TMEM178B: variants seen among roughly 807,000 people sequenced by gnomAD.
TMEM178B encodes the protein transmembrane protein 178B.
A neutral mutation model predicts 31.0 loss-of-function variants in TMEM178B; 5 were observed. That is an observed-to-expected ratio of 0.16 (90% CI 0.08 to 0.34). The LOEUF (loss-of-function observed/expected upper bound fraction) is 0.34. TMEM178B is among the 10% of genes least tolerant of loss of function. The probability of loss-of-function intolerance (pLI) is 1.00; values close to 1 mark genes in which losing one functional copy is unlikely to be tolerated. For synonymous variants in TMEM178B, 164 were observed against 164.0 expected, an observed-to-expected ratio of 1.00 and a Z score of 0.00; for missense variants, 275 against 400.3, an observed-to-expected ratio of 0.69 and a Z score of 2.67.
At chr7:141,313,527 C>T (rs931738502) in intron 2 of TMEM178B, among the ~76,000 whole-genome samples, 1 of 152,206 alleles carries the variant, frequency 6.6e-6, no homozygotes, top group African/African-American at 2.4e-5. Flanking sequence ...CAGACATTTT[C>T]TTTTGAGGAA....
intron 2 of TMEM178B, among the ~76,000 whole-genome samples, chr7:141,436,312 T>C (rs985745847): frequency 3.3e-5 from 5 of 151,776 alleles, no homozygotes; most frequent in Non-Finnish European, 7.4e-5. Flanking sequence ...GCAGCTGGTG[T>C]GCTTGCACGG....
At chr7:141,328,406 G>T (rs1799235626) in intron 2 of TMEM178B, among the ~76,000 whole-genome samples, 3 of 152,322 alleles carry the variant, frequency 2.0e-5, no homozygotes, top group African/African-American at 4.8e-5. Flanking sequence ...CTCTGGAGGA[G>T]GCTAGAGACT....
the TMEM178B span, among the ~76,000 whole-genome samples, chr7:141,499,987 T>C: frequency 6.6e-6 from 1 of 152,202 alleles, no homozygotes; most frequent in Non-Finnish European, 1.5e-5. Flanking sequence ...AAAGCATTTT[T>C]TTTCTCCCTG....
chr7:141,142,258 G>A (rs947725661), intron 1 of TMEM178B, among the ~76,000 whole-genome samples: 4 of 136,222 alleles, frequency 2.9e-5, no homozygotes, highest in Admixed American at 1.4e-4. Context: ...ATAGTATTCC[G>A]TGGCATATAT....
intron 2 of TMEM178B, among the ~76,000 whole-genome samples, chr7:141,324,416 GTTTTTTTTTTTTTTTTTTTTTTTTT>G (rs56316531): frequency 1.9e-4 from 16 of 85,740 alleles, no homozygotes; most frequent in Admixed American, 4.6e-4. Context: ...GGAGACCAGG[GTTTTTTTTTTTTTTTTTTTTTTTTT>G]TTTTTTTTTT....
At chr7:141,100,475 T>C (rs1255832782) in intron 1 of TMEM178B, among the ~76,000 whole-genome samples, 1 of 152,218 alleles carries the variant, frequency 6.6e-6, no homozygotes, top group Admixed American at 6.5e-5. Context: ...CTGTACTTTG[T>C]GGAGGAGAGA....
rs150351205 is a variant in TMEM178B, at chr7:141,110,889, G to A, written c.382+36197G>A. ...GAGCTCGCTGTCTTGTTCTCCAACT[G>A]AGAAAAGGTCATGTGAACACACGGT... On this transcript the variant is annotated intron_variant, in intron 1 of 3. Coordinates refer to ENST00000565468, the MANE Select transcript of TMEM178B (RefSeq NM_001195278.2). 4.5e-3 allele frequency among the ~76,000 whole-genome samples: 680 copies of A among 152,282 alleles called. 12 individuals are homozygous for A. Among genetic ancestry groups the A allele is most frequent in the African/African-American group, 0.015 (639 of 41,560 alleles).
At chr7:141,395,582 C>A (rs1373143570) in intron 2 of TMEM178B, among the ~76,000 whole-genome samples, 1 of 152,192 alleles carries the variant, frequency 6.6e-6, no homozygotes, top group African/African-American at 2.4e-5. Flanking sequence ...AAGGAAGCTG[C>A]AGCCTAGTGA....
chr7:141,388,900 A>C (rs952546637), intron 2 of TMEM178B, among the ~76,000 whole-genome samples: 1 of 136,302 alleles, frequency 7.3e-6, no homozygotes, highest in African/African-American at 2.8e-5. Flanking sequence ...GGAAGGTGCA[A>C]TGTTACCACT....
chr7:141,479,502 T>C lies in TMEM178B; in HGVS notation c.*8716T>C, dbSNP rs1802436851. On this transcript the variant is annotated 3_prime_UTR_variant, in exon 4 of 4. Coordinates refer to ENST00000565468, the MANE Select transcript of TMEM178B (RefSeq NM_001195278.2). ...TTCCTTAGGATTGAAGAAACCTCTT[T>C]TGTTTGTGAAAAAGATAGGTATCGA... The C allele has an allele frequency of 6.6e-6, 1 of 152,182 alleles. No homozygotes were observed. The allele number at this position is 152,182 out of a possible 1,614,324, so 9.4% of individuals were successfully genotyped here. A position where few individuals can be genotyped will look rare whatever the true frequency, so the allele number is the denominator to read the frequency against.
rs566454624 is a variant in TMEM178B, at chr7:141,101,355, T to C, written c.382+26663T>C. ...TAAAAACTGGAATAATAGATTTTTA[T>C]CTCTTTCTGTCTTTTTGCCTATGGT... On this transcript the variant is annotated intron_variant, in intron 1 of 3. Transcript: ENST00000565468. Among the ~76,000 whole-genome samples the C allele has an allele frequency of 1.1e-4, 16 of 152,372 alleles. No homozygotes were observed. The South Asian group carries it at 1.4e-3, about 14-fold the overall frequency.
intron 2 of TMEM178B, among the ~76,000 whole-genome samples, chr7:141,273,557 T>C (rs2116384212): frequency 6.6e-6 from 1 of 152,310 alleles, no homozygotes; most frequent in South Asian, 2.1e-4. Context: ...GATATAATTA[T>C]AAAACCAAAC....
chr7:141,139,046 A>G (rs1437359542), intron 1 of TMEM178B, among the ~76,000 whole-genome samples: 2 of 152,176 alleles, frequency 1.3e-5, no homozygotes, highest in African/African-American at 4.8e-5. Flanking sequence ...TCATGTACAA[A>G]AATGACTTAC....
At chr7:141,174,297 C>T (rs1251529747) in intron 1 of TMEM178B, among the ~76,000 whole-genome samples, 1 of 152,100 alleles carries the variant, frequency 6.6e-6, no homozygotes, top group African/African-American at 2.4e-5. Flanking sequence ...TGAACTCATC[C>T]TTTTTTATGG....
intron 3 of TMEM178B, among the ~76,000 whole-genome samples, chr7:141,457,590 A>G (rs1315516112): frequency 1.3e-5 from 2 of 152,214 alleles, no homozygotes; most frequent in African/African-American, 2.4e-5. Context: ...AGTGTATGCT[A>G]TGTAGATTAA....
At chr7:141,368,472 G>A (rs1243993282) in intron 2 of TMEM178B, among the ~76,000 whole-genome samples, 2 of 152,162 alleles carry the variant, frequency 1.3e-5, no homozygotes, top group African/African-American at 4.8e-5. Flanking sequence ...TACATGAACA[G>A]GTTCTATGCC....
At chr7:141,160,706 G>T (rs1447616101) in intron 1 of TMEM178B, among the ~76,000 whole-genome samples, 1 of 152,130 alleles carries the variant, frequency 6.6e-6, no homozygotes, top group African/African-American at 2.4e-5. Context: ...CCTTATGGTG[G>T]GTCTGAGTCA....
downstream of TMEM178B, among the ~76,000 whole-genome samples, chr7:141,484,200 T>A (rs192783167): frequency 4.6e-5 from 7 of 152,322 alleles, no homozygotes; most frequent in Admixed American, 4.6e-4. The surrounding 1 kb of genome is among the most constrained non-coding windows in gnomAD (Gnocchi z 4.8). Context: ...AACTATCCTA[T>A]ACAGGTATAC....
At chr7:141,453,496 T>C (rs1327633715) in intron 3 of TMEM178B, among the ~76,000 whole-genome samples, 1 of 152,256 alleles carries the variant, frequency 6.6e-6, no homozygotes, top group African/African-American at 2.4e-5. Context: ...TGTGTTAATA[T>C]CTAAGACACT....
Sources: allele counts gnomAD v4.1 joint callset (sites outside exome capture counted in the v4.1 genomes callset), GRCh38; gene constraint gnomAD v4.1.1; non-coding constraint Gnocchi (gnomAD v3.1); transcripts MANE v1.5; gene names NCBI Gene and HGNC (gene_info 2026-07-23, HGNC 2026-07-21).